NUP160: variants seen among roughly 807,000 people sequenced by gnomAD.
NUP160 encodes the protein nuclear pore complex protein Nup160.
A neutral mutation model predicts 196.9 loss-of-function variants in NUP160; 94 were observed. That is an observed-to-expected ratio of 0.48 (90% confidence interval 0.40 to 0.57). The LOEUF (loss-of-function observed/expected upper bound fraction) is 0.57, where lower values mean the gene tolerates loss of function less well. NUP160 is among the 20% of genes least tolerant of loss of function. The pLI is 0.00. For synonymous variants in NUP160, 605 were observed against 619.7 expected (o/e 0.98, Z 0.35); for missense variants, 1,638 against 1,748.3 (o/e 0.94, Z 1.13).
intron 29 of NUP160, among the ~76,000 whole-genome samples, chr11:47,790,651 G>A (rs1320712636): frequency 6.6e-6 from 1 of 152,212 alleles, no homozygotes; most frequent in Non-Finnish European, 1.5e-5. Context: ...CACTGTGGGA[G>A]TCCGAGGTAG....
At chr11:47,829,097 T>C (rs554337913) in intron 7 of NUP160, among the ~76,000 whole-genome samples, 15 of 152,248 alleles carry the variant, frequency 9.9e-5, no homozygotes, top group East Asian at 3.9e-4. Context: ...ATAGATAATC[T>C]GGACTTTATC....
At chr11:47,809,757 AAG>A (rs1555002342) in intron 17 of NUP160, among the ~76,000 whole-genome samples, 10,343 of 144,954 alleles carry the variant, frequency 0.071, 710 homozygotes, top group South Asian at 0.3. Flanking sequence ...AAAAAAAAAA[AAG>A]ATGTGCGGAA....
intron 4 of NUP160, among the ~76,000 whole-genome samples, chr11:47,837,899 T>C (rs1347271144): frequency 6.6e-6 from 1 of 152,248 alleles, no homozygotes; most frequent in East Asian, 1.9e-4. Context: ...CTTCATTCTT[T>C]CTAAAACAAT....
rs1565182862 is a variant in NUP160, at chr11:47,779,110, A to G, written c.4306T>C (p.Leu1436=). 6 of 1,612,030 alleles carry G rather than the reference A, an allele frequency of 3.7e-6. No homozygotes were observed. The South Asian group carries it at 6.6e-5, about 18-fold the overall frequency. The change falls in exon 36 of 36, where the codon TTG becomes CTG. Residue 1436 remains leucine (L), a synonymous_variant. Transcript: ENST00000378460. Reference sequence around the variant, plus strand: ...AGGCTAGGTGACAATCCAAATCACAAGGTCCGACGATATAATAAATCCCGT... The same window carrying G: ...AGGCTAGGTGACAATCCAAATCACAGGGTCCGACGATATAATAAATCCCGT...
intron 4 of NUP160, among the ~76,000 whole-genome samples, chr11:47,839,052 C>T (rs935929432): frequency 1.3e-5 from 2 of 151,474 alleles, no homozygotes; most frequent in African/African-American, 4.8e-5. Context: ...CACTGCACTA[C>T]ATAAAGGACG....
intron 7 of NUP160, 121 bp from the exon 8 acceptor site, chr11:47,822,285 T>C: frequency 1.8e-6 from 1 of 553,150 alleles, no homozygotes; most frequent in Non-Finnish European, 3.2e-6. Context: ...GAAAGAAGAG[T>C]CTTGCTCTGT....
chr11:47,806,411 T>C (rs2097677663), intron 19 of NUP160, 99 bp from the exon 20 acceptor site: 1 of 934,234 alleles, frequency 1.1e-6, no homozygotes, highest in Non-Finnish European at 1.6e-6. Flanking sequence ...ACAAACAATT[T>C]AGCACTTCAA....
intron 34 of NUP160, 115 bp from the exon 35 acceptor site, chr11:47,780,562 T>A: frequency 1.8e-6 from 1 of 551,142 alleles, no homozygotes. Flanking sequence ...TTTTTTGAGA[T>A]GGTCTTGTTC....
intron 29 of NUP160, among the ~76,000 whole-genome samples, chr11:47,790,567 G>A (rs1339816173): frequency 2.0e-5 from 3 of 152,086 alleles, no homozygotes; most frequent in Non-Finnish European, 4.4e-5. Context: ...GGCCTATACT[G>A]TACTCTTAAA....
At position 47,848,209 on chromosome 11, in the gene NUP160, A is replaced by G. The variant is rs1481908638; in HGVS notation, c.202+10T>C. Reference sequence around the variant, plus strand: ...AGATGGGATCGCACCCTCCCTGGCCATTTCCGTACCAATGCTGCAGACTGT... The same window carrying G: ...AGATGGGATCGCACCCTCCCTGGCCGTTTCCGTACCAATGCTGCAGACTGT... On this transcript the variant is annotated intron_variant, in intron 1 of 35. Coordinates refer to ENST00000378460, the Ensembl canonical transcript of NUP160. The G allele has an allele frequency of 1.9e-6, 3 of 1,614,094 alleles. No homozygotes were observed. The highest frequency in any genetic ancestry group is 2.7e-5 in the African/African-American group (2 of 75,058).
chr11:47,785,103 T>TTTTTTTTTTTGAGACGG, intron 32 of NUP160, 40 bp from the exon 33 acceptor site: 1 of 1,086,548 alleles, frequency 9.2e-7, no homozygotes, highest in South Asian at 1.9e-5. Context: ...TTCAGATTCT[T>TTTTTTTTTTTGAGACGG]AATAGCTATT....
chr11:47,820,934 T>A (rs1851845669), intron 9 of NUP160, among the ~76,000 whole-genome samples: 1 of 152,128 alleles, frequency 6.6e-6, no homozygotes, highest in African/African-American at 2.4e-5. Context: ...CCTCCCACCT[T>A]AGCCTCACAA....
At chr11:47,778,781 T>C (rs574159509) in exon 36 of NUP160, 2 of 201,060 alleles carry the variant, frequency 9.9e-6, no homozygotes, top group Non-Finnish European at 2.1e-5. Context: ...CTCAGCTATT[T>C]TGGAAAGTGA....
exon 32 of NUP160, chr11:47,786,515 T>G (rs757192396): frequency 6.2e-7 from 1 of 1,614,030 alleles, no homozygotes; most frequent in Non-Finnish European, 8.5e-7. Flanking sequence ...CCCAGGCTTC[T>G]GCTTGTGCTG....
At chr11:47,798,521 C>G in intron 23 of NUP160, 58 bp from the exon 24 acceptor site, 2 of 957,476 alleles carry the variant, frequency 2.1e-6, no homozygotes, top group Non-Finnish European at 3.3e-6. Flanking sequence ...ACTTCAAACT[C>G]AATTATGGTT....
chr11:47,779,437 G>A (rs895123854), intron 35 of NUP160: 2 of 485,126 alleles, frequency 4.1e-6, no homozygotes, highest in South Asian at 1.9e-5. Context: ...TATGGAAATC[G>A]TACCAGTATT....
chr11:47,843,039 T>C (rs1852335575), intron 2 of NUP160, among the ~76,000 whole-genome samples: 1 of 152,038 alleles, frequency 6.6e-6, no homozygotes, highest in African/African-American at 2.4e-5. Context: ...ATCCTAACAC[T>C]CTACCTTCTC....
intron 29 of NUP160, among the ~76,000 whole-genome samples, chr11:47,791,383 A>C (rs1248483930): frequency 2.0e-5 from 3 of 152,204 alleles, no homozygotes; most frequent in African/African-American, 7.2e-5. Flanking sequence ...TCTGTTGCCC[A>C]GGCTGGAGTG....
intron 19 of NUP160, among the ~76,000 whole-genome samples, chr11:47,806,808 C>T (rs868420974): frequency 0.02 from 2,604 of 127,470 alleles, 47 homozygotes; most frequent in African/African-American, 0.031. Context: ...CACACACACA[C>T]ACACACACAC....
Sources: gnomAD v4.1 joint callset for allele counts (sites outside exome capture counted in the v4.1 genomes callset) on GRCh38, gnomAD v4.1.1 for gene constraint, MANE v1.5 for transcripts, NCBI Gene and HGNC (gene_info 2026-07-23, HGNC 2026-07-21) for gene names.